Variants in BCAR3 observed in about 807,000 individuals in gnomAD.
BCAR3 encodes the protein BCAR3 adaptor protein, NSP family member.
Under a neutral mutation model 80.1 loss-of-function variants are expected in BCAR3, and 37 were observed. The observed-to-expected ratio is 0.46, with a 90% CI of 0.36 to 0.61. The LOEUF (loss-of-function observed/expected upper bound fraction) is 0.61. BCAR3 is among the 20% of genes least tolerant of loss of function. The pLI, the probability that BCAR3 is intolerant of heterozygous loss-of-function variation, is 0.00. For synonymous variants in BCAR3, 389 were observed against 418.9 expected, an observed-to-expected ratio of 0.93 and a Z score of 0.87; for missense variants, 978 against 1,068.2, an observed-to-expected ratio of 0.92 and a Z score of 1.18.
intron 5 of BCAR3, 61 bp downstream of exon 5, chr1:93,588,916 C>T (rs777328914): frequency 1.5e-4 from 220 of 1,458,288 alleles, no homozygotes; most frequent in Non-Finnish European, 2.0e-4. Context: ...TCTTCACCTG[C>T]CTAACTAACC....
intron 2 of BCAR3, among the ~76,000 whole-genome samples, chr1:93,777,103 A>C (rs1013656379): frequency 1.3e-5 from 2 of 152,124 alleles, no homozygotes; most frequent in African/African-American, 4.8e-5. Flanking sequence ...AAGCAGAGGA[A>C]TGCTGAGGAT....
chr1:93,616,586 A>G (rs1675135598), intron 3 of BCAR3, among the ~76,000 whole-genome samples: 2 of 152,218 alleles, frequency 1.3e-5, no homozygotes, highest in Non-Finnish European at 2.9e-5. Context: ...ATCTGATCAC[A>G]TAGAAACACA....
chr1:93,605,032 G>T (rs983325178), intron 3 of BCAR3, among the ~76,000 whole-genome samples: 1 of 152,132 alleles, frequency 6.6e-6, no homozygotes, highest in South Asian at 2.1e-4. Flanking sequence ...TAGATAAACC[G>T]AAACACGATG....
At chr1:93,683,279 T>C (rs1219850191), upstream of BCAR3, among the ~76,000 whole-genome samples, 1 of 152,068 alleles carries the variant, frequency 6.6e-6, no homozygotes, top group African/African-American at 2.4e-5. Context: ...AAAATGCAAA[T>C]TGATATTTCA....
chr1:93,688,919 G>A (rs1392541934), intron 3 of BCAR3, among the ~76,000 whole-genome samples: 2 of 152,158 alleles, frequency 1.3e-5, no homozygotes, highest in African/African-American at 2.4e-5. Context: ...TTACAAGTGT[G>A]AGCCACCATG....
chr1:93,759,945 AT>A (rs1252460514), intron 2 of BCAR3, among the ~76,000 whole-genome samples: 1 of 152,216 alleles, frequency 6.6e-6, no homozygotes, highest in African/African-American at 2.4e-5. Flanking sequence ...AGAGATCTCC[AT>A]TCCTTGGGCC....
chr1:93,763,398 A>T (rs1025955403), intron 2 of BCAR3, among the ~76,000 whole-genome samples: 3 of 152,326 alleles, frequency 2.0e-5, no homozygotes, highest in Non-Finnish European at 2.9e-5. Flanking sequence ...ACTGCATGCT[A>T]GGCTCTGTTC....
At chr1:93,678,733 A>T (rs1409153353) in intron 1 of BCAR3, among the ~76,000 whole-genome samples, 1 of 152,160 alleles carries the variant, frequency 6.6e-6, no homozygotes, top group Non-Finnish European at 1.5e-5. Flanking sequence ...ATTAGGGTGG[A>T]CTGGGAAGGC....
chr1:93,685,990 C>T (rs1648961166), upstream of BCAR3, among the ~76,000 whole-genome samples: 1 of 152,094 alleles, frequency 6.6e-6, no homozygotes, highest in South Asian at 2.1e-4. Flanking sequence ...TCTAGGACCT[C>T]TTTCCACATT....
rs1346312478 is a variant in BCAR3 at position 93,567,328 on chromosome 1, C to A, written c.2250G>T (p.Met750Ile). The change falls in exon 11 of 12, where the codon ATG (methionine) becomes ATT (isoleucine). Residue 750 changes from methionine to isoleucine, a missense_variant. Coordinates refer to ENST00000260502, the MANE Select transcript of BCAR3 (RefSeq NM_003567.4). ...TCCGGTAGCTGTCTGCAGCCTCGGC[C>A]ATGAATCGCGCTGTTGCCAAATGGT... The part of the protein sequence containing the change: ...MLNHLATARF[M>I]AEAADSYRMN... 1.9e-6 allele frequency: 3 copies of A among 1,614,062 alleles called. No individual in the cohort carries two copies. The highest frequency in any genetic ancestry group is 2.5e-6 in the Non-Finnish European group (3 of 1,180,048).
chr1:93,830,736 A>T lies in BCAR3; in HGVS notation c.-63+14831T>A, dbSNP rs1310835656. On this transcript the variant is annotated intron_variant, in intron 2 of 13. Transcript: ENST00000370244. ...CCTGTTTGGTGGTCTCTTCACACGG[A>T]CGTGCGTCACATTTGGTGCCAAAAC... Among the ~76,000 whole-genome samples the T allele has an allele frequency of 2.6e-5, 4 of 152,146 alleles. No homozygotes were observed. The East Asian group carries it at 7.7e-4, about 29-fold the overall frequency.
intron 1 of BCAR3, among the ~76,000 whole-genome samples, chr1:93,678,028 C>A (rs867547648): frequency 1.6e-4 from 25 of 152,300 alleles, no homozygotes; most frequent in Middle Eastern, 6.8e-3. Context: ...AGGACCAAAG[C>A]AAGGAATGAG....
chr1:93,593,880 T>G (rs1005879840), intron 3 of BCAR3, among the ~76,000 whole-genome samples: 2 of 152,108 alleles, frequency 1.3e-5, no homozygotes, highest in Admixed American at 1.3e-4. Flanking sequence ...GGCTTACTAT[T>G]TGTTTACTTC....
At chr1:93,845,910 T>C (rs919735191) in intron 1 of BCAR3, among the ~76,000 whole-genome samples, 1 of 152,176 alleles carries the variant, frequency 6.6e-6, no homozygotes, top group African/African-American at 2.4e-5. Context: ...TTTGTTGTAA[T>C]AGTCTTTTAT....
intron 2 of BCAR3, among the ~76,000 whole-genome samples, chr1:93,643,808 G>A (rs547620438): frequency 6.6e-6 from 1 of 152,158 alleles, no homozygotes; most frequent in South Asian, 2.1e-4. Flanking sequence ...CAAAAAAGTG[G>A]ATAACTATGT....
intron 2 of BCAR3, among the ~76,000 whole-genome samples, chr1:93,750,988 G>A (rs1464672427): frequency 6.6e-6 from 1 of 152,188 alleles, no homozygotes; most frequent in African/African-American, 2.4e-5. Context: ...TGTGCTGTGT[G>A]TGATGCAGCC....
chr1:93,808,199 T>C (rs1653719659), intron 2 of BCAR3, among the ~76,000 whole-genome samples: 1 of 152,072 alleles, frequency 6.6e-6, no homozygotes, highest in African/African-American at 2.4e-5. Context: ...CACCATATTT[T>C]TGGCTATTGT....
chr1:93,833,374 T>C (rs1033781769), intron 2 of BCAR3, among the ~76,000 whole-genome samples: 1 of 152,142 alleles, frequency 6.6e-6, no homozygotes, highest in Non-Finnish European at 1.5e-5. Flanking sequence ...CCGCTGTGCA[T>C]GCATTGTCAT....
rs1213498376 is a variant in BCAR3 at position 93,837,542 on chromosome 1, T to C, written c.-63+8025A>G. Among the ~76,000 whole-genome samples, 3 of 152,224 alleles carry C rather than the reference T, an allele frequency of 2.0e-5. No homozygotes were observed. The South Asian group carries it at 6.2e-4, about 31-fold the overall frequency. Reference sequence around the variant, plus strand: ...TGCCTCCAGATTTACTAGAGAGCCATATTAATCCATTCTCAGTTCGAATTA... The same window carrying C: ...TGCCTCCAGATTTACTAGAGAGCCACATTAATCCATTCTCAGTTCGAATTA... On this transcript the variant is annotated intron_variant, in intron 2 of 13. Coordinates refer to the BCAR3 transcript ENST00000370244.
Sources: gnomAD v4.1 joint callset for allele counts (sites outside exome capture counted in the v4.1 genomes callset) on GRCh38, gnomAD v4.1.1 for gene constraint, MANE v1.5 for transcripts, NCBI Gene and HGNC (gene_info 2026-07-23, HGNC 2026-07-21) for gene names.